CSMD3: variants seen among roughly 807,000 people sequenced by gnomAD.
The protein encoded by CSMD3 is CUB and sushi domain-containing protein 3.
A neutral mutation model predicts 435.2 loss-of-function variants in CSMD3; 177 were observed. The ratio of observed to expected loss-of-function variants is 0.41; its 90% CI spans 0.36 to 0.46. The LOEUF is 0.46. Ranked by LOEUF, CSMD3 falls within the 20% of genes least tolerant of loss-of-function variation. The pLI is 0.34. For synonymous variants in CSMD3, 1,656 were observed against 1,520.5 expected, an observed-to-expected ratio of 1.09 and a Z score of -2.07; for missense variants, 4,265 against 4,504.6, an observed-to-expected ratio of 0.95 and a Z score of 1.52.
intron 10 of CSMD3, among the ~76,000 whole-genome samples, chr8:112,895,620 G>A (rs554086186): frequency 2.0e-5 from 3 of 151,404 alleles, no homozygotes; most frequent in Non-Finnish European, 4.4e-5. Context: ...GGTGCTGAGC[G>A]AGGGGAATCA....
chr8:112,656,966 G>A (rs1403298497), intron 17 of CSMD3, among the ~76,000 whole-genome samples: 5 of 151,366 alleles, frequency 3.3e-5, no homozygotes, highest in Non-Finnish European at 7.4e-5. Context: ...ATTAGTTTTT[G>A]TAATCCTCCC....
At chr8:112,321,522 C>T (rs1350152537) in intron 45 of CSMD3, among the ~76,000 whole-genome samples, 1 of 152,058 alleles carries the variant, frequency 6.6e-6, no homozygotes, top group African/African-American at 2.4e-5. Flanking sequence ...TGAACAAAAA[C>T]TTGTGCAAAG....
At chr8:113,205,984 T>C (rs754085883) in intron 3 of CSMD3, among the ~76,000 whole-genome samples, 15 of 152,100 alleles carry the variant, frequency 9.9e-5, no homozygotes, top group Non-Finnish European at 1.6e-4. Flanking sequence ...TATGGCCTGA[T>C]GCCCTTTGTA....
At chr8:112,689,502 G>GT (rs1169425046) in intron 14 of CSMD3, among the ~76,000 whole-genome samples, 1 of 151,940 alleles carries the variant, frequency 6.6e-6, no homozygotes, top group Non-Finnish European at 1.5e-5. Context: ...ATATTTTAAT[G>GT]TTTTTGATTG....
rs148363845 is a variant in CSMD3, at chr8:112,724,722, C to T, written c.1973-34672G>A. On this transcript the variant is annotated intron_variant, in intron 13 of 70. Transcript: ENST00000297405. ...TACATATGTGGCATTTAAAATCATG[C>T]AACCCAGAGGTTATTGCTGAAGGAG... is the stretch of plus-strand genomic sequence containing the variant. 2.4e-3 allele frequency among the ~76,000 whole-genome samples: 364 copies of T among 152,074 alleles called. 1 individual carries two copies. The highest frequency in any genetic ancestry group is 7.9e-3 in the African/African-American group (327 of 41,522).
chr8:112,786,896 C>T (rs1251130986), intron 13 of CSMD3, among the ~76,000 whole-genome samples: 2 of 152,034 alleles, frequency 1.3e-5, no homozygotes, highest in Admixed American at 6.6e-5. Context: ...AGCCCCTCAC[C>T]TCCCGACAGG....
At chr8:113,266,767 T>C (rs1317880033) in intron 3 of CSMD3, among the ~76,000 whole-genome samples, 1 of 151,664 alleles carries the variant, frequency 6.6e-6, no homozygotes, top group South Asian at 2.1e-4. Context: ...TAATTAGTAA[T>C]ACACATCGAC....
chr8:113,057,071 A>G (rs2131349001), intron 5 of CSMD3, among the ~76,000 whole-genome samples: 1 of 152,232 alleles, frequency 6.6e-6, no homozygotes, highest in South Asian at 2.1e-4. Flanking sequence ...TTTCCTCAAA[A>G]TGGCTCTTTG....
chr8:113,432,132 T>G (rs1474640501), intron 1 of CSMD3, among the ~76,000 whole-genome samples: 6 of 152,178 alleles, frequency 3.9e-5, no homozygotes, highest in Admixed American at 1.3e-4. Flanking sequence ...GAGGGCGTGA[T>G]GCAGCACCCG....
At chr8:112,449,070 T>C (rs538737844) in intron 32 of CSMD3, among the ~76,000 whole-genome samples, 9 of 152,168 alleles carry the variant, frequency 5.9e-5, no homozygotes, top group Non-Finnish European at 1.2e-4. Context: ...GTTTGTTTGT[T>C]TGCATTACAA....
intron 1 of CSMD3, among the ~76,000 whole-genome samples, chr8:113,326,114 T>A (rs2132734084): frequency 6.6e-6 from 1 of 152,356 alleles, no homozygotes; most frequent in East Asian, 1.9e-4. Context: ...TTTTCATGGT[T>A]ATCTCCAGAA....
At chr8:112,344,852 A>T (rs1036007315) in intron 41 of CSMD3, among the ~76,000 whole-genome samples, 9 of 152,166 alleles carry the variant, frequency 5.9e-5, no homozygotes, top group African/African-American at 1.9e-4. Flanking sequence ...CTAATATTTT[A>T]AAATTCATAC....
At chr8:113,190,351 G>A (rs2092566604) in intron 3 of CSMD3, among the ~76,000 whole-genome samples, 1 of 151,808 alleles carries the variant, frequency 6.6e-6, no homozygotes, top group Non-Finnish European at 1.5e-5. Flanking sequence ...AAATGTTAAA[G>A]AGAAATATAA....
chr8:113,335,874 G>A (rs1328865276), intron 1 of CSMD3, among the ~76,000 whole-genome samples: 1 of 151,550 alleles, frequency 6.6e-6, no homozygotes, highest in Admixed American at 6.6e-5. Context: ...TTTTTCGTTA[G>A]TTTTCTATTT....
intron 3 of CSMD3, among the ~76,000 whole-genome samples, chr8:113,175,988 A>C (rs1194252657): frequency 6.6e-6 from 1 of 152,072 alleles, no homozygotes; most frequent in Non-Finnish European, 1.5e-5. Flanking sequence ...ATTTAAATGA[A>C]CAAATAAATG....
chr8:112,915,780 CAT>C (rs1440338655), intron 10 of CSMD3, among the ~76,000 whole-genome samples: 1 of 151,638 alleles, frequency 6.6e-6, no homozygotes, highest in African/African-American at 2.4e-5. Context: ...ATATCCAAAA[CAT>C]AATGCAATAA....
chr8:112,687,410 C>A (rs567465021), intron 14 of CSMD3, among the ~76,000 whole-genome samples: 3 of 151,964 alleles, frequency 2.0e-5, no homozygotes, highest in African/African-American at 7.2e-5. Flanking sequence ...ATAAAACTTT[C>A]TCATTATTTT....
chr8:112,406,178 A>G (rs1831839994), intron 35 of CSMD3, among the ~76,000 whole-genome samples: 1 of 152,102 alleles, frequency 6.6e-6, no homozygotes, highest in African/African-American at 2.4e-5. Context: ...ACAACAATTA[A>G]AAAAATAAAA....
intron 32 of CSMD3, among the ~76,000 whole-genome samples, chr8:112,444,127 A>G (rs113828378): frequency 2.0e-5 from 3 of 152,324 alleles, no homozygotes; most frequent in African/African-American, 7.2e-5. Flanking sequence ...TAAAAGGAGC[A>G]TATGGGAAAA....
Sources: gnomAD v4.1 joint callset for allele counts (sites outside exome capture counted in the v4.1 genomes callset) on GRCh38, gnomAD v4.1.1 for gene constraint, MANE v1.5 for transcripts, NCBI Gene and HGNC (gene_info 2026-07-23, HGNC 2026-07-21) for gene names.